Variants in PTK2B observed in about 807,000 individuals in gnomAD.
The protein encoded by PTK2B is protein-tyrosine kinase 2-beta.
Under a neutral mutation model 142.9 loss-of-function variants are expected in PTK2B, and 71 were observed. That is an observed-to-expected ratio of 0.50 (90% CI 0.41 to 0.61). PTK2B has a LOEUF of 0.61. Ranked by LOEUF, PTK2B falls within the 20% of genes least tolerant of loss-of-function variation. The probability of loss-of-function intolerance (pLI) is 0.00; values close to 1 mark genes in which losing one functional copy is unlikely to be tolerated. For missense variants in PTK2B, 1,105 were observed against 1,320.4 expected, an observed-to-expected ratio of 0.84 and a Z score of 2.53; for synonymous variants, 519 against 503.4, an observed-to-expected ratio of 1.03 and a Z score of -0.42.
intron 1 of PTK2B, among the ~76,000 whole-genome samples, chr8:27,379,798 T>A (rs528604764): frequency 6.6e-6 from 1 of 152,298 alleles, no homozygotes; most frequent in East Asian, 1.9e-4. Flanking sequence ...TGGACTGCAA[T>A]GGCGTGATCT....
chr8:27,411,019 T>A (rs1352330169), intron 2 of PTK2B, among the ~76,000 whole-genome samples: 2 of 152,186 alleles, frequency 1.3e-5, no homozygotes, highest in African/African-American at 4.8e-5. Context: ...GAAGCAAAGG[T>A]CTTCCTGTAG....
chr8:27,445,933 G>A lies in PTK2B; in HGVS notation c.2340+14G>A. 1 of 1,612,668 alleles carries A rather than the reference G, an allele frequency of 6.2e-7. No individual in the cohort carries two copies. On this transcript the variant is annotated intron_variant, in intron 24 of 30. Coordinates refer to ENST00000346049, the MANE Select transcript of PTK2B (RefSeq NM_173176.3). ...CACAGCATGCGGGTAAGAGGGCTCTGCATGCTGGTCCCTGCCCGGACTGAG... is the reference window on the plus strand; with the variant it reads ...CACAGCATGCGGGTAAGAGGGCTCTACATGCTGGTCCCTGCCCGGACTGAG...
chr8:27,393,881 G>C (rs1807880212), intron 1 of PTK2B, among the ~76,000 whole-genome samples: 1 of 152,010 alleles, frequency 6.6e-6, no homozygotes. Context: ...AGGGCCATAG[G>C]CTCACTAGAT....
At chr8:27,448,771 C>T (rs2132406209) in intron 24 of PTK2B, among the ~76,000 whole-genome samples, 1 of 152,348 alleles carries the variant, frequency 6.6e-6, no homozygotes, top group Admixed American at 6.5e-5. Flanking sequence ...TGTCAACAGC[C>T]TGGGGCAGCC....
exon 1 of PTK2B, chr8:27,311,482 G>T (rs1802970935): frequency 8.9e-6 from 5 of 562,082 alleles, no homozygotes; most frequent in East Asian, 3.2e-5. Flanking sequence ...CCTTCTGCCC[G>T]CAGTTCCCGC....
chr8:27,441,849 A>T, intron 21 of PTK2B, among the ~76,000 whole-genome samples: 1 of 152,214 alleles, frequency 6.6e-6, no homozygotes, highest in Non-Finnish European at 1.5e-5. Context: ...CTTGAGAGCC[A>T]CAGGGAGCTG....
intron 24 of PTK2B, among the ~76,000 whole-genome samples, chr8:27,448,014 T>C (rs1784555581): frequency 6.6e-6 from 1 of 152,228 alleles, no homozygotes; most frequent in African/African-American, 2.4e-5. Context: ...CACACTTACC[T>C]GTAATGCAAG....
chr8:27,442,544 A>G (rs1469592374), intron 21 of PTK2B, among the ~76,000 whole-genome samples: 4 of 152,214 alleles, frequency 2.6e-5, no homozygotes, highest in African/African-American at 9.6e-5. Context: ...TTTGGTGCCA[A>G]TCACAAGCCC....
At chr8:27,443,224 G>T (rs572220039) in intron 22 of PTK2B, among the ~76,000 whole-genome samples, 2 of 152,336 alleles carry the variant, frequency 1.3e-5, no homozygotes, top group Admixed American at 1.3e-4. Flanking sequence ...GTCCCCTGAG[G>T]GGCTGGGCTT....
In PTK2B at chr8:27,458,596, A is replaced by G; in HGVS notation, c.*87A>G. ...TTGCTGTTGGTCATGTGGGTCTTCC[A>G]GGGGGAAGGCCAAGGGGAGTCACCT... On this transcript the variant is annotated 3_prime_UTR_variant, in exon 31 of 31. Transcript: ENST00000346049. 7.1e-7 allele frequency: 1 copy of G among 1,404,616 alleles called. No homozygotes were observed. Among genetic ancestry groups the G allele is most frequent in the Non-Finnish European group, 9.7e-7 (1 of 1,033,564 alleles). 87.0% of individuals were successfully genotyped at this position (1,404,616 alleles called of 1,614,324 possible). A position where few individuals can be genotyped will look rare whatever the true frequency, so the allele number is the denominator to read the frequency against.
At chr8:27,404,148 T>G (rs529466508) in intron 2 of PTK2B, among the ~76,000 whole-genome samples, 1 of 152,092 alleles carries the variant, frequency 6.6e-6, no homozygotes, top group Non-Finnish European at 1.5e-5. Context: ...ATGGTCACCT[T>G]CGTCTAAGGC....
intron 3 of PTK2B, among the ~76,000 whole-genome samples, chr8:27,315,110 A>C (rs1364569869): frequency 6.6e-6 from 1 of 152,152 alleles, no homozygotes; most frequent in Non-Finnish European, 1.5e-5. Context: ...ACTTTTCCTC[A>C]GCATAGTCCT....
rs185431643 is a variant in PTK2B at position 27,430,595 on chromosome 8, G to A, written c.669+177G>A. Reference sequence around the variant, plus strand: ...CCTCTCTGGGGCTGGGGATCCAACTGTTACATGCCTGGGCTCCGGCTCCGT... The same window carrying A: ...CCTCTCTGGGGCTGGGGATCCAACTATTACATGCCTGGGCTCCGGCTCCGT... On this transcript the variant is annotated intron_variant, in intron 7 of 30. Coordinates refer to ENST00000346049, the MANE Select transcript of PTK2B (RefSeq NM_173176.3). Among the ~76,000 whole-genome samples, 6 of 152,266 alleles carry A rather than the reference G, an allele frequency of 3.9e-5. No individual in the cohort carries two copies. The East Asian group carries it at 1.2e-3, about 29-fold the overall frequency.
At chr8:27,377,415 G>T (rs1046733419) in intron 1 of PTK2B, among the ~76,000 whole-genome samples, 1 of 152,198 alleles carries the variant, frequency 6.6e-6, no homozygotes, top group East Asian at 1.9e-4. Context: ...GATTCAGGGA[G>T]GTAACAGGAT....
chr8:27,406,600 G>A (rs970061678), intron 2 of PTK2B, among the ~76,000 whole-genome samples: 11 of 152,148 alleles, frequency 7.2e-5, no homozygotes, highest in African/African-American at 2.4e-4. Flanking sequence ...AGTTGGCAGC[G>A]GGAAATGTGT....
At chr8:27,330,062 G>A (rs908503122) in intron 1 of PTK2B, among the ~76,000 whole-genome samples, 1 of 152,140 alleles carries the variant, frequency 6.6e-6, no homozygotes, top group Admixed American at 6.5e-5. Flanking sequence ...TGGAGTCTGG[G>A]GGTGGAAGAA....
chr8:27,343,388 T>A (rs1285762495), intron 1 of PTK2B, among the ~76,000 whole-genome samples: 1 of 152,158 alleles, frequency 6.6e-6, no homozygotes, highest in East Asian at 1.9e-4. Flanking sequence ...TCTTTTACTT[T>A]GTTACGAAAG....
intron 2 of PTK2B, among the ~76,000 whole-genome samples, chr8:27,418,280 G>A (rs774272624): frequency 2.0e-5 from 3 of 152,212 alleles, no homozygotes; most frequent in Non-Finnish European, 4.4e-5. Context: ...GAGGCAGTTA[G>A]CCCGAGACAG....
chr8:27,342,828 C>T (rs1266732689), intron 1 of PTK2B, among the ~76,000 whole-genome samples: 1 of 152,226 alleles, frequency 6.6e-6, no homozygotes, highest in Non-Finnish European at 1.5e-5. Flanking sequence ...TATCCCCCCT[C>T]AGTGGGTCAC....
Sources: allele counts gnomAD v4.1 joint callset (sites outside exome capture counted in the v4.1 genomes callset), GRCh38; gene constraint gnomAD v4.1.1; transcripts MANE v1.5; gene names NCBI Gene and HGNC (gene_info 2026-07-23, HGNC 2026-07-21).